Variants in ADAM20 observed in about 807,000 individuals in gnomAD.
The protein encoded by ADAM20 is ADAM metallopeptidase domain 20.
For synonymous variants in ADAM20, 305 were observed against 310.2 expected, an observed-to-expected ratio of 0.98 and a Z score of 0.18; for missense variants, 871 against 883.2, an observed-to-expected ratio of 0.99 and a Z score of 0.18.
rs1883488307 is a variant in ADAM20, at chr14:70,523,041, G to A, written c.1717C>T (p.Pro573Ser). ...RVQCENVGVIPNLIEHSTVQQ... is the reference protein window; with the variant it reads ...RVQCENVGVISNLIEHSTVQQ... ...ACTGTAGAATGCTCTATCAGATTGG[G>A]AATTACTCCCACATTTTCACACTGA... The change falls in exon 2 of 2, where the codon CCC becomes TCC. Residue 573 changes from proline (P) to serine (S), a missense_variant. Transcript: ENST00000256389. The A allele has an allele frequency of 1.2e-6, 2 of 1,613,966 alleles. No homozygotes were observed. The highest frequency in any genetic ancestry group is 4.5e-5 in the East Asian group (2 of 44,880).
chr14:70,578,280 G>A, the ADAM20 span, among the ~76,000 whole-genome samples: 1 of 152,132 alleles, frequency 6.6e-6, no homozygotes, highest in Admixed American at 6.5e-5. Flanking sequence ...AGGAAAAACT[G>A]ACTAGGTATA....
the ADAM20 span, among the ~76,000 whole-genome samples, chr14:70,559,301 A>C: frequency 7.0e-6 from 1 of 142,320 alleles, no homozygotes; most frequent in African/African-American, 2.8e-5. Context: ...GCTTACAGTC[A>C]TCCTTAATTC....
chr14:70,574,793 C>T, the ADAM20 span, among the ~76,000 whole-genome samples: 1 of 151,840 alleles, frequency 6.6e-6, no homozygotes, highest in Non-Finnish European at 1.5e-5. Context: ...ACTAGAAAAA[C>T]AAATCAAACA....
the ADAM20 span, among the ~76,000 whole-genome samples, chr14:70,569,902 A>C: frequency 6.9e-6 from 1 of 144,436 alleles, no homozygotes; most frequent in Non-Finnish European, 1.5e-5. Context: ...AAAAAAAAAA[A>C]AAAAAAAAAA....
the ADAM20 span, among the ~76,000 whole-genome samples, chr14:70,575,171 G>A: frequency 2.0e-5 from 3 of 149,888 alleles, no homozygotes; most frequent in Non-Finnish European, 4.4e-5. Flanking sequence ...TAAAATATAT[G>A]TATGTATATA....
At chr14:70,563,565 G>A in the ADAM20 span, among the ~76,000 whole-genome samples, 1 of 152,226 alleles carries the variant, frequency 6.6e-6, no homozygotes, top group South Asian at 2.1e-4. Context: ...TGCAACTCAT[G>A]TTGAAATGTA....
At chr14:70,540,879 A>C in the ADAM20 span, among the ~76,000 whole-genome samples, 21 of 152,264 alleles carry the variant, frequency 1.4e-4, no homozygotes, top group Admixed American at 1.0e-3. Context: ...TGCAACCTCC[A>C]TCTCCCGGGT....
In ADAM20 at chr14:70,522,481, T is replaced by C. The variant is rs542613215; in HGVS notation, c.*96A>G. ...GACATGAAATGTCCATGAAGTTTTA[T>C]TTAAACAGTGAGACATGGCTTCATA... is the stretch of plus-strand genomic sequence containing the variant. On this transcript the variant is annotated 3_prime_UTR_variant, in exon 2 of 2. Coordinates refer to ENST00000256389, the MANE Select transcript of ADAM20 (RefSeq NM_003814.5). 1.6e-6 allele frequency: 2 copies of C among 1,246,884 alleles called. No homozygotes were observed. The highest frequency in any genetic ancestry group is 3.3e-5 in the South Asian group (2 of 61,240). The allele number at this position is 1,246,884 out of a possible 1,614,324, so 77.2% of individuals were successfully genotyped here. A position where few individuals can be genotyped will look rare whatever the true frequency, so the allele number is the denominator to read the frequency against.
In ADAM20 at chr14:70,523,037, T is replaced by C. The variant is rs140038278; in HGVS notation, c.1721A>G (p.Asn574Ser). The change falls in exon 2 of 2, where the codon AAT becomes AGT. Residue 574 changes from asparagine to serine, a missense_variant. Coordinates refer to ENST00000256389, the MANE Select transcript of ADAM20 (RefSeq NM_003814.5). ...VQCENVGVIP[N>S]LIEHSTVQQF... ...CTGCACTGTAGAATGCTCTATCAGA[T>C]TGGGAATTACTCCCACATTTTCACA... is the stretch of plus-strand genomic sequence containing the variant. 57 of 1,613,920 alleles carry C rather than the reference T, an allele frequency of 3.5e-5. No homozygotes were observed. Among genetic ancestry groups the C allele is most frequent in the Non-Finnish European group, 3.2e-5 (38 of 1,179,964 alleles).
In ADAM20 at chr14:70,524,663, C is replaced by A. The variant is rs754295950; in HGVS notation, c.95G>T (p.Arg32Met). 51 of 1,613,890 alleles carry A rather than the reference C, an allele frequency of 3.2e-5. No homozygotes were observed. The African/African-American group carries it at 5.7e-4, about 18-fold the overall frequency. Residue 32 changes from arginine to methionine, a missense_variant, in exon 2 of 2, where the codon AGG becomes ATG. Transcript: ENST00000256389. ...TGGAGAAGTGAAATACTGGGAGGGC[C>A]TGGCCTGAGAGTGGCCAGAAATAGA... ...FLSISGHSQARPSQYFTSPEV... is the reference protein window; with the variant it reads ...FLSISGHSQAMPSQYFTSPEV...
At chr14:70,562,664 G>T in the ADAM20 span, among the ~76,000 whole-genome samples, 1 of 152,084 alleles carries the variant, frequency 6.6e-6, no homozygotes, top group African/African-American at 2.4e-5. Flanking sequence ...CAAGATCAAT[G>T]GTTTAACAGT....
the ADAM20 span, among the ~76,000 whole-genome samples, chr14:70,560,313 CTCAA>C: frequency 6.6e-6 from 1 of 151,928 alleles, no homozygotes; most frequent in Non-Finnish European, 1.5e-5. Context: ...ACAAAAAAGG[CTCAA>C]TCAAAAAAGA....
chr14:70,569,906 A>C, the ADAM20 span, among the ~76,000 whole-genome samples: 4 of 146,758 alleles, frequency 2.7e-5, no homozygotes, highest in South Asian at 2.1e-4. Flanking sequence ...AAAAAAAAAA[A>C]AAAAAAAACA....
intron 1 of ADAM20, among the ~76,000 whole-genome samples, chr14:70,529,127 A>T (rs967884519): frequency 6.6e-6 from 1 of 152,186 alleles, no homozygotes; most frequent in African/African-American, 2.4e-5. Context: ...TGGATAGAAC[A>T]TCCAGACAGA....
the ADAM20 span, among the ~76,000 whole-genome samples, chr14:70,575,788 C>A: frequency 6.6e-6 from 1 of 152,066 alleles, no homozygotes; most frequent in Non-Finnish European, 1.5e-5. Flanking sequence ...TATTACCAGA[C>A]AACTATAGAT....
the ADAM20 span, among the ~76,000 whole-genome samples, chr14:70,565,368 G>T: frequency 7.2e-5 from 11 of 152,062 alleles, no homozygotes; most frequent in African/African-American, 2.7e-4. Flanking sequence ...TTAAAAAAAT[G>T]ACTCAATAAT....
At chr14:70,532,501 GGAGACAATCAACA>G (rs1883734690) in intron 1 of ADAM20, among the ~76,000 whole-genome samples, 2 of 152,088 alleles carry the variant, frequency 1.3e-5, no homozygotes, top group African/African-American at 2.4e-5. Flanking sequence ...TAACAGCAAA[GGAGACAATCAACA>G]GATTGGAAAC....
the ADAM20 span, among the ~76,000 whole-genome samples, chr14:70,578,727 A>C: frequency 9.9e-3 from 1,510 of 152,208 alleles, 43 homozygotes; most frequent in South Asian, 0.092. Flanking sequence ...GGAGGTACAC[A>C]TGGGGGTTTG....
chr14:70,560,424 T>C, the ADAM20 span, among the ~76,000 whole-genome samples: 1 of 151,980 alleles, frequency 6.6e-6, no homozygotes, highest in Non-Finnish European at 1.5e-5. Context: ...ACTTAGCAAA[T>C]GTAATGGGGG....
Sources: allele counts gnomAD v4.1 joint callset (sites outside exome capture counted in the v4.1 genomes callset), GRCh38; gene constraint gnomAD v4.1.1; transcripts MANE v1.5; gene names NCBI Gene and HGNC (gene_info 2026-07-23, HGNC 2026-07-21).